Variants in EIF4ENIF1 observed in about 807,000 individuals in gnomAD.
EIF4ENIF1 encodes the protein eukaryotic translation initiation factor 4E nuclear import factor 1.
In EIF4ENIF1, 23 loss-of-function variants were observed where a neutral mutation model predicts 110.5. The ratio of observed to expected loss-of-function variants is 0.21; its 90% CI spans 0.15 to 0.29. The LOEUF is 0.29. EIF4ENIF1 is among the 10% of genes least tolerant of loss of function. The pLI is 1.00. For missense variants in EIF4ENIF1, 1,031 were observed against 1,221.1 expected (o/e 0.84, Z 2.32); for synonymous variants, 440 against 437.0 (o/e 1.01, Z -0.09).
At chr22:31,476,980 CAAAA>C (rs574308270) in intron 2 of EIF4ENIF1, among the ~76,000 whole-genome samples, 2 of 51,084 alleles carry the variant, frequency 3.9e-5, no homozygotes, top group Non-Finnish European at 4.3e-5. Context: ...GACCCTGTCT[CAAAA>C]AAAAAAAAAA....
At chr22:31,450,876 CACACACACACACACACACAA>C (rs888041677) in intron 10 of EIF4ENIF1, 9 of 164,300 alleles carry the variant, frequency 5.5e-5, no homozygotes, top group Admixed American at 1.8e-4. Flanking sequence ...CACACACACA[CACACACACACACACACACAA>C]AAGAGACAGG....
intron 14 of EIF4ENIF1, among the ~76,000 whole-genome samples, chr22:31,445,956 C>CG (rs1555902725): frequency 1.4e-5 from 2 of 145,560 alleles, no homozygotes; most frequent in African/African-American, 5.0e-5. Context: ...ACGTACCGCC[C>CG]CCCCCCCCCA....
chr22:31,484,555 A>AG (rs1036297770), intron 2 of EIF4ENIF1, among the ~76,000 whole-genome samples: 1 of 151,788 alleles, frequency 6.6e-6, no homozygotes, highest in South Asian at 2.1e-4. Flanking sequence ...AAAAAAAAAA[A>AG]TCACCGGCCG....
intron 6 of EIF4ENIF1, among the ~76,000 whole-genome samples, chr22:31,459,056 T>C (rs1282191220): frequency 6.6e-6 from 1 of 150,944 alleles, no homozygotes; most frequent in Non-Finnish European, 1.5e-5. Flanking sequence ...GCCTCCAGAG[T>C]ATCTGGGACC....
chr22:31,490,123 C>T (rs112414910), upstream of EIF4ENIF1, among the ~76,000 whole-genome samples: 1 of 152,220 alleles, frequency 6.6e-6, no homozygotes, highest in African/African-American at 2.4e-5. Context: ...CCAGAGGCCA[C>T]CGCCGCCGCG....
At chr22:31,491,369 T>C (rs746890537), upstream of EIF4ENIF1, among the ~76,000 whole-genome samples, 21 of 152,322 alleles carry the variant, frequency 1.4e-4, no homozygotes, top group African/African-American at 2.9e-4. Flanking sequence ...TCCCCTTTAG[T>C]GTCTTGGAGA....
chr22:31,484,348 C>A (rs1292161283), intron 2 of EIF4ENIF1, among the ~76,000 whole-genome samples: 2 of 152,142 alleles, frequency 1.3e-5, no homozygotes, highest in East Asian at 1.9e-4. Flanking sequence ...TATACTTCTT[C>A]TACTCATGGG....
chr22:31,488,542 T>A, intron 2 of EIF4ENIF1, 81 bp downstream of exon 2: 1 of 1,570,080 alleles, frequency 6.4e-7, no homozygotes, highest in Non-Finnish European at 8.7e-7. Context: ...GATTACCACT[T>A]AATAGGAATG....
At chr22:31,440,392 G>T (rs4820972) in intron 18 of EIF4ENIF1, among the ~76,000 whole-genome samples, 140,885 of 152,156 alleles carry the variant, frequency 0.93, 65,303 homozygotes, top group East Asian at 0.99. Flanking sequence ...GCAGCAACAT[G>T]AACTGGTGAG....
chr22:31,450,727 C>G, intron 10 of EIF4ENIF1: 1 of 283,190 alleles, frequency 3.5e-6, no homozygotes, highest in Non-Finnish European at 6.9e-6. Context: ...GAGACACACA[C>G]ACACACACAC....
chr22:31,450,618 G>T (rs1381844190), intron 10 of EIF4ENIF1: 1 of 348,540 alleles, frequency 2.9e-6, no homozygotes, highest in African/African-American at 2.1e-5. Flanking sequence ...CCATTTCCCT[G>T]TTTCTAACAC....
At chr22:31,437,187 C>T (rs1272008745), downstream of EIF4ENIF1, 4 of 152,266 alleles carry the variant, frequency 2.6e-5, no homozygotes, top group African/African-American at 9.7e-5. Flanking sequence ...ATTCTTTCCT[C>T]TCCTACCTGA....
intron 2 of EIF4ENIF1, among the ~76,000 whole-genome samples, chr22:31,478,959 A>G (rs1365466888): frequency 6.6e-6 from 1 of 151,760 alleles, no homozygotes; most frequent in South Asian, 2.1e-4. Context: ...CAAAAAAAAA[A>G]AAAAAAAAAG....
chr22:31,490,166 C>T (rs1462979463), upstream of EIF4ENIF1, among the ~76,000 whole-genome samples: 1 of 152,228 alleles, frequency 6.6e-6, no homozygotes, highest in Admixed American at 6.5e-5. Context: ...GAGCGGACGG[C>T]ACTTGGGACC....
In EIF4ENIF1 at chr22:31,441,800, T is replaced by C. The variant is rs754852735; in HGVS notation, c.2525A>G (p.Gln842Arg). 5 of 1,612,652 alleles carry C rather than the reference T, an allele frequency of 3.1e-6. No individual in the cohort carries two copies. The highest frequency in any genetic ancestry group is 1.3e-5 in the African/African-American group (1 of 74,850). Residue 842 changes from glutamine to arginine, a missense_variant, in exon 17 of 19, where the codon CAG becomes CGG. This residue lies in a region of EIF4ENIF1 where 309 missense variants were observed against 299.1 expected (regional missense o/e 1.03). Transcript: ENST00000330125. Reference protein sequence around the residue: ...QRMLAQGVHPQHLPSLLQTGV... With the variant: ...QRMLAQGVHPRHLPSLLQTGV... ...AGTTTGGAGCAAACTTGGAAGATGC[T>C]GTGGATGTACTCCCTGGGCCAGCAT...
At chr22:31,471,346 G>A (rs1230268266) in intron 3 of EIF4ENIF1, among the ~76,000 whole-genome samples, 3 of 147,106 alleles carry the variant, frequency 2.0e-5, no homozygotes, top group Non-Finnish European at 4.5e-5. Flanking sequence ...ACGGAATCTC[G>A]CACTGTCGCC....
At position 31,471,739 on chromosome 22, in the gene EIF4ENIF1, A is replaced by T. The variant is rs555047876; in HGVS notation, c.170+105T>A. On this transcript the variant is annotated intron_variant, in intron 3 of 18. Coordinates refer to ENST00000330125, the MANE Select transcript of EIF4ENIF1 (RefSeq NM_019843.4). ...TCTCGAAATCCCTCTTTCACTTATA[A>T]TTCTACCAGAAAACTTCAAAACAAT... 139 of 1,022,652 alleles carry T rather than the reference A, an allele frequency of 1.4e-4. No individual in the cohort carries two copies. In the South Asian group the frequency reaches 1.9e-3, roughly 14 times the overall value. 63.3% of individuals were successfully genotyped at this position (1,022,652 alleles called of 1,614,324 possible). A position where few individuals can be genotyped will look rare whatever the true frequency, so the allele number is the denominator to read the frequency against.
At chr22:31,458,889 C>T (rs566388448) in intron 6 of EIF4ENIF1, among the ~76,000 whole-genome samples, 32 of 148,948 alleles carry the variant, frequency 2.1e-4, no homozygotes, top group South Asian at 1.9e-3. Context: ...TGGTTCCCTT[C>T]GTGGGAACTT....
Position 31,439,776 on chromosome 22 carries a change from C to A in EIF4ENIF1, c.*104G>T. ...ATGGGTTCCACCAAACAGCTTCACA[C>A]AGAGTGCTCCAAAGTAAAAGCCCAT... is the stretch of plus-strand genomic sequence containing the variant. On this transcript the variant is annotated 3_prime_UTR_variant, in exon 19 of 19. Coordinates refer to ENST00000330125, the MANE Select transcript of EIF4ENIF1 (RefSeq NM_019843.4). The A allele has an allele frequency of 2.0e-6, 3 of 1,499,672 alleles. No individual in the cohort carries two copies. Among genetic ancestry groups the A allele is most frequent in the Non-Finnish European group, 2.7e-6 (3 of 1,126,228 alleles). 92.9% of individuals were successfully genotyped at this position (1,499,672 alleles called of 1,614,324 possible). A position where few individuals can be genotyped will look rare whatever the true frequency, so the allele number is the denominator to read the frequency against.
Sources: allele counts gnomAD v4.1 joint callset (sites outside exome capture counted in the v4.1 genomes callset), GRCh38; gene constraint gnomAD v4.1.1; regional missense constraint gnomAD v4.1.1; transcripts MANE v1.5; gene names NCBI Gene and HGNC (gene_info 2026-07-23, HGNC 2026-07-21).